LTK: variants seen among roughly 807,000 people sequenced by gnomAD.
The protein encoded by LTK is leukocyte tyrosine kinase receptor.
LTK carries 117 observed loss-of-function variants against 101.5 expected under a neutral mutation model. That is an observed-to-expected ratio of 1.15 (90% confidence interval 0.99 to 1.34). LTK has a LOEUF of 1.34. Ranked by LOEUF, LTK falls within the 40% of genes most tolerant of loss-of-function variation. LTK has a pLI of 0.00. For synonymous variants in LTK, 563 were observed against 494.2 expected, an observed-to-expected ratio of 1.14 and a Z score of -1.85; for missense variants, 1,252 against 1,164.7, an observed-to-expected ratio of 1.07 and a Z score of -1.09.
Position 41,505,026 on chromosome 15 carries a change from C to G in LTK, c.1964G>C (p.Gly655Ala). 1 of 1,613,630 alleles carries G rather than the reference C, an allele frequency of 6.2e-7. No individual in the cohort carries two copies. Among genetic ancestry groups the G allele is most frequent in the Non-Finnish European group, 8.5e-7 (1 of 1,179,710 alleles). ...AARNCLLSCA[G>A]PSRVAKIGDF... The stretch of plus-strand genomic sequence containing the variant: ...CCCAATCTTGGCCACTCGGCTGGGT[C>G]CAGCGCAGCTCAGCAGGCAGTTCCG... The change falls in exon 16 of 20, where the codon GGA becomes GCA. Residue 655 changes from glycine (G) to alanine (A), a missense_variant. By Grantham distance (60) the Gly-to-Ala change is moderately conservative. Transcript: ENST00000263800.
In LTK at chr15:41,512,763, G is replaced by A. The variant is rs941102690; in HGVS notation, c.303C>T (p.Ala101=). ...AGTSVVVTVG[A]AGQLRGVQLW... is the part of the protein sequence containing the mutation. ...GCTGCACGCCTCTCAGCTGCCCGGC[G>A]GCCCCCACGGTCACCACCACGCTGG... is the stretch of plus-strand genomic sequence containing the variant. Residue 101 remains alanine, a synonymous_variant, in exon 3 of 20, where the codon GCC becomes GCT. Transcript: ENST00000263800. 6.2e-7 allele frequency: 1 copy of A among 1,609,974 alleles called. No individual in the cohort carries two copies. The highest frequency in any genetic ancestry group is 1.3e-5 in the African/African-American group (1 of 75,004).
chr15:41,507,646 G>T lies in LTK; in HGVS notation c.1261C>A (p.Pro421Thr). The T allele has an allele frequency of 6.2e-7, 1 of 1,613,386 alleles. No homozygotes were observed. The highest frequency in any genetic ancestry group is 8.5e-7 in the Non-Finnish European group (1 of 1,179,824). ...DNVTCMDLHK[P>T]PGPLVLMVAV... ...ACCATCAGAACCAGAGGGCCTGGGGGCTTGTGCAGGTCTAGGGAGAAAGAG... is the reference window on the plus strand; with the variant it reads ...ACCATCAGAACCAGAGGGCCTGGGGTCTTGTGCAGGTCTAGGGAGAAAGAG... Residue 421 changes from proline (P) to threonine (T), a missense_variant, in exon 10 of 20, where the codon CCC becomes ACC. By Grantham distance (38) the Pro-to-Thr change is conservative. Coordinates refer to ENST00000263800, the MANE Select transcript of LTK (RefSeq NM_002344.6).
intron 15 of LTK, 27 bp downstream of exon 15, chr15:41,505,181 G>T (rs1377473515): frequency 6.2e-7 from 1 of 1,605,516 alleles, no homozygotes; most frequent in Admixed American, 1.7e-5. Context: ...TGGGATGGGG[G>T]TCCCCTGAGC....
At position 41,511,203 on chromosome 15, in the gene LTK, C is replaced by G; in HGVS notation, c.958G>C (p.Gly320Arg). ...CCGCCTCCGCCCGCAGTGCAGGCCC[C>G]GCCGCCGCCCCCGAAGCCGCCGGCC... ...AAAGGFGGGG[G>R]ACTAGGGGGG... Residue 320 changes from glycine (G) to arginine (R), a missense_variant, in exon 7 of 20, where the codon GGG becomes CGG. Transcript: ENST00000263800. The surrounding 1 kb of genome is among the most constrained non-coding windows in gnomAD (Gnocchi z 5.9). 3.6e-6 allele frequency: 5 copies of G among 1,390,846 alleles called. No homozygotes were observed. Among genetic ancestry groups the G allele is most frequent in the South Asian group, 1.6e-5 (1 of 62,184 alleles). The allele number at this position is 1,390,846 out of a possible 1,614,324, so 86.2% of individuals were successfully genotyped here. A position where few individuals can be genotyped will look rare whatever the true frequency, so the allele number is the denominator to read the frequency against.
chr15:41,510,070 G>A lies in LTK; in HGVS notation c.998-941C>T, dbSNP rs549375217. On this transcript the variant is annotated intron_variant, in intron 7 of 19. Coordinates refer to ENST00000263800, the MANE Select transcript of LTK (RefSeq NM_002344.6). Reference sequence around the variant, plus strand: ...CACCCAGGCTGGAGTGCAGTGGCACGATCTTGGCTCACTGCAACCTCCGCC... The same window carrying A: ...CACCCAGGCTGGAGTGCAGTGGCACAATCTTGGCTCACTGCAACCTCCGCC... Among the ~76,000 whole-genome samples, 7 of 151,584 alleles carry A rather than the reference G, an allele frequency of 4.6e-5. No homozygotes were observed. The East Asian group carries it at 1.2e-3, about 26-fold the overall frequency.
chr15:41,511,692 G>T lies in LTK; in HGVS notation c.658-114C>A. 1.4e-6 allele frequency: 2 copies of T among 1,399,454 alleles called. No individual in the cohort carries two copies. Among genetic ancestry groups the T allele is most frequent in the Non-Finnish European group, 1.9e-6 (2 of 1,078,466 alleles). 86.7% of individuals were successfully genotyped at this position (1,399,454 alleles called of 1,614,324 possible). A position where few individuals can be genotyped will look rare whatever the true frequency, so the allele number is the denominator to read the frequency against. ...GATAAGGGCAGGGGCCCCCAGCCCA[G>T]CCCAGGCCAGCCCAGCCCAGCGCAG... On this transcript the variant is annotated intron_variant, in intron 5 of 19. Coordinates refer to ENST00000263800, the MANE Select transcript of LTK (RefSeq NM_002344.6). This position sits in a 1 kb window ranked among gnomAD's most constrained non-coding sequence, Gnocchi z 5.9.
rs1424058775 is a variant in LTK at position 41,512,215 on chromosome 15, G to T, written c.410C>A (p.Ser137Ter). The T allele has an allele frequency of 1.9e-6, 3 of 1,613,102 alleles. No homozygotes were observed. The highest frequency in any genetic ancestry group is 2.5e-6 in the Non-Finnish European group (3 of 1,179,828). ...TGAGACGAAGACGCCATGCGCCCGC[G>T]ACAGGTGGTTCTTGGCGCCTTTGCC... Reference protein sequence around the residue: ...AGGKGAKNHLSRAHGVFVSAI... With the variant: ...AGGKGAKNHL Residue 137 changes from serine to a stop codon, truncating the protein, a stop_gained, in exon 4 of 20, where the codon TCG (serine) becomes TAG (stop). Transcript: ENST00000263800. LOFTEE classifies it high-confidence loss of function.
Position 41,505,334 on chromosome 15 carries a change from A to G in LTK, c.1828-29T>C, listed in dbSNP as rs747463946. ...GGTCAGGCAGAGGGGGCATCAGTCC[A>G]TGTAGGTCTCAGACACATGGACAGG... On this transcript the variant is annotated intron_variant, in intron 14 of 19. Transcript: ENST00000263800. The G allele has an allele frequency of 3.7e-6, 6 of 1,613,328 alleles. No homozygotes were observed. In the South Asian group the frequency reaches 6.6e-5, roughly 18 times the overall value.
Position 41,511,285 on chromosome 15 carries a change from C to T in LTK, c.876G>A (p.Glu292=). The change falls in exon 7 of 20, where the codon GAG becomes GAA. Residue 292 remains glutamate, a synonymous_variant. Coordinates refer to ENST00000263800, the MANE Select transcript of LTK (RefSeq NM_002344.6). This position sits in a 1 kb window ranked among gnomAD's most constrained non-coding sequence, Gnocchi z 5.9. ...AGCAGCCCTGGCCGCCCTCCGCCCCCTCCTGCAGTGAGCGGCCGGCCTGCG... is the reference window on the plus strand; with the variant it reads ...AGCAGCCCTGGCCGCCCTCCGCCCCTTCCTGCAGTGAGCGGCCGGCCTGCG... ...PSPQAGRSLQ[E]GAEGGQGCSE... is the part of the protein sequence containing the mutation. 2 of 1,404,732 alleles carry T rather than the reference C, an allele frequency of 1.4e-6. No individual in the cohort carries two copies. The allele number at this position is 1,404,732 out of a possible 1,614,324, so 87.0% of individuals were successfully genotyped here. A position where few individuals can be genotyped will look rare whatever the true frequency, so the allele number is the denominator to read the frequency against.
Position 41,511,464 on chromosome 15 carries a change from G to T in LTK, c.772C>A (p.Arg258Ser). Residue 258 changes from arginine to serine, a missense_variant, in exon 6 of 20, where the codon CGC (arginine) becomes AGC (serine). Arg to Ser is a moderately radical substitution (Grantham distance 110). Coordinates refer to ENST00000263800, the MANE Select transcript of LTK (RefSeq NM_002344.6). The surrounding 1 kb of genome is among the most constrained non-coding windows in gnomAD (Gnocchi z 5.9). The part of the protein sequence containing the change: ...TQASPEKLEN[R>S]SEAPGSGGRG... Reference sequence around the variant, plus strand: ...CCGCCGCTCCCGGGCGCCTCCGAGCGGTTCTCCAGTTTCTCGGGGGAGGCC... The same window carrying T: ...CCGCCGCTCCCGGGCGCCTCCGAGCTGTTCTCCAGTTTCTCGGGGGAGGCC... 1 of 1,445,918 alleles carries T rather than the reference G, an allele frequency of 6.9e-7. No individual in the cohort carries two copies. Among genetic ancestry groups the T allele is most frequent in the African/African-American group, 1.5e-5 (1 of 67,288 alleles). The allele number at this position is 1,445,918 out of a possible 1,614,324, so 89.6% of individuals were successfully genotyped here.
chr15:41,504,821 G>A lies in LTK; in HGVS notation c.2072C>T (p.Pro691Leu). The A allele has an allele frequency of 6.2e-7, 1 of 1,613,408 alleles. No individual in the cohort carries two copies. Among genetic ancestry groups the A allele is most frequent in the Non-Finnish European group, 8.5e-7 (1 of 1,179,898 alleles). The change falls in exon 17 of 20, where the codon CCC becomes CTC. Residue 691 changes from proline to leucine, a missense_variant. Physicochemically the swap from Pro to Leu is moderately conservative, Grantham distance 98 (BLOSUM62 -3). Coordinates refer to ENST00000263800, the MANE Select transcript of LTK (RefSeq NM_002344.6). ...GATGCCCTCCAGGAAGGCCTCTGGG[G>A]GCATCCACTTGACTGGGAGCAAGGC... Reference protein sequence around the residue: ...DRALLPVKWMPPEAFLEGIFT... With the variant: ...DRALLPVKWMLPEAFLEGIFT...
chr15:41,508,990 G>A, intron 8 of LTK, 41 bp downstream of exon 8: 3 of 1,409,414 alleles, frequency 2.1e-6, no homozygotes, highest in Non-Finnish European at 3.0e-6. Context: ...GACTGCGGAA[G>A]AAGTCCAGGC....
rs1384864022 is a variant in LTK at position 41,511,126 on chromosome 15, CG to C, written c.997+37del. On this transcript the variant is annotated intron_variant, in intron 7 of 19. Transcript: ENST00000263800. This position sits in a 1 kb window ranked among gnomAD's most constrained non-coding sequence, Gnocchi z 5.9. ...TTAGGTTCTAACATCACCTCACCCT[CG>C]GGCCTGCTCAGCTGCCCTCTCCAAC... is the stretch of plus-strand genomic sequence containing the variant. 2 of 1,370,222 alleles carry C rather than the reference CG, an allele frequency of 1.5e-6. No individual in the cohort carries two copies. Among genetic ancestry groups the C allele is most frequent in the Non-Finnish European group, 1.9e-6 (2 of 1,066,534 alleles). The allele number at this position is 1,370,222 out of a possible 1,614,324, so 84.9% of individuals were successfully genotyped here. A position where few individuals can be genotyped will look rare whatever the true frequency, so the allele number is the denominator to read the frequency against.
chr15:41,511,643 G>T lies in LTK; in HGVS notation c.658-65C>A. ...CTGTCCAGGGGCACTGCCACTGGGA[G>T]AGGGCTCCCGCCCAGGGGGCCTGGA... On this transcript the variant is annotated intron_variant, in intron 5 of 19. Transcript: ENST00000263800. This position sits in a 1 kb window ranked among gnomAD's most constrained non-coding sequence, Gnocchi z 5.9. 2 of 1,402,084 alleles carry T rather than the reference G, an allele frequency of 1.4e-6. No homozygotes were observed. The highest frequency in any genetic ancestry group is 1.8e-6 in the Non-Finnish European group (2 of 1,089,040). The allele number at this position is 1,402,084 out of a possible 1,614,324, so 86.9% of individuals were successfully genotyped here. A position where few individuals can be genotyped will look rare whatever the true frequency, so the allele number is the denominator to read the frequency against.
rs1363722819 is a variant in LTK at position 41,504,358 on chromosome 15, A to G, written c.2330T>C (p.Leu777Pro). ...GGGGCACACCTGAGTGCAGTACTGC[A>G]GACGCTCCAAGATGCTGGCAAAGCT... ...RPSFASILER[L>P]QYCTQDPDVL... The change falls in exon 19 of 20, where the codon CTG (leucine) becomes CCG (proline). Residue 777 changes from leucine (L) to proline (P), a missense_variant. Leu to Pro is a moderately conservative substitution (Grantham distance 98, BLOSUM62 -3). Coordinates refer to ENST00000263800, the MANE Select transcript of LTK (RefSeq NM_002344.6). The G allele has an allele frequency of 3.7e-6, 6 of 1,614,146 alleles. No individual in the cohort carries two copies. The highest frequency in any genetic ancestry group is 5.1e-6 in the Non-Finnish European group (6 of 1,180,010).
At position 41,512,812 on chromosome 15, in the gene LTK, T is replaced by G. The variant is rs770450764; in HGVS notation, c.254A>C (p.Gln85Pro). 33 of 1,612,608 alleles carry G rather than the reference T, an allele frequency of 2.0e-5. No homozygotes were observed. In the South Asian group the frequency reaches 3.5e-4, roughly 17 times the overall value. ...GGTCCCCGCGTACGCCCCGTCACAT[T>G]GTGTCTGTGTGGGCCCATGCCGGCC... The part of the protein sequence containing the change: ...ASGRHGPTQT[Q>P]CDGAYAGTSV... Residue 85 changes from glutamine (Q) to proline (P), a missense_variant, in exon 3 of 20, where the codon CAA (glutamine) becomes CCA (proline). Coordinates refer to ENST00000263800, the MANE Select transcript of LTK (RefSeq NM_002344.6).
chr15:41,507,346 C>T, intron 10 of LTK, 56 bp from the exon 11 acceptor site: 11 of 1,506,988 alleles, frequency 7.3e-6, no homozygotes, highest in Non-Finnish European at 9.8e-6. Flanking sequence ...CTCTCCCTCC[C>T]CCACCTGCCC....
In LTK at chr15:41,512,204, C is replaced by T. The variant is rs781722842; in HGVS notation, c.421G>A (p.Gly141Ser). Residue 141 changes from glycine to serine, a missense_variant, in exon 4 of 20, where the codon GGC becomes AGC. Physicochemically the swap from Gly to Ser is moderately conservative, Grantham distance 56. Transcript: ENST00000263800. ...GAGAAGATTGCTGAGACGAAGACGCCATGCGCCCGCGACAGGTGGTTCTTG... is the reference window on the plus strand; with the variant it reads ...GAGAAGATTGCTGAGACGAAGACGCTATGCGCCCGCGACAGGTGGTTCTTG... ...GAKNHLSRAH[G>S]VFVSAIFSLG... The T allele has an allele frequency of 1.2e-6, 2 of 1,613,170 alleles. No homozygotes were observed. The highest frequency in any genetic ancestry group is 4.5e-5 in the East Asian group (2 of 44,840).
rs2051239584 is a variant in LTK, at chr15:41,505,392, GGGTCTCACCAGGTGTGGCC to G, written c.1817_1827+8del. The stretch of plus-strand genomic sequence containing the variant: ...GAGGGGCCTGGGGGGGCTAAGACAA[GGGTCTCACCAGGTGTGGCC>G]GACTGTGCCTCAGGAAACTCTTCAT... On this transcript the variant is annotated splice_donor_variant and splice_donor_5th_base_variant and coding_sequence_variant and intron_variant, in exon 14 of 20. Coordinates refer to ENST00000263800, the MANE Select transcript of LTK (RefSeq NM_002344.6). LOFTEE classifies it high-confidence loss of function. 6.2e-7 allele frequency: 1 copy of G among 1,613,758 alleles called. No individual in the cohort carries two copies. The highest frequency in any genetic ancestry group is 1.3e-5 in the African/African-American group (1 of 74,862).
Sources: allele counts gnomAD v4.1 joint callset (sites outside exome capture counted in the v4.1 genomes callset), GRCh38; gene constraint gnomAD v4.1.1; non-coding constraint Gnocchi (gnomAD v3.1); transcripts MANE v1.5; gene names NCBI Gene and HGNC (gene_info 2026-07-23, HGNC 2026-07-21).